Variants in DPP4 observed in about 807,000 individuals in gnomAD.
DPP4 encodes the protein dipeptidyl peptidase 4, also known as ADCP-2.
DPP4 carries 93 observed loss-of-function variants against 122.4 expected under a neutral mutation model. The observed-to-expected ratio is 0.76, with a 90% confidence interval of 0.64 to 0.90. DPP4 has a LOEUF of 0.90. Among genes scored for constraint, DPP4 ranks in the 40% least tolerant of loss-of-function variants. The probability of loss-of-function intolerance (pLI) is 0.00; values close to 1 mark genes in which losing one functional copy is unlikely to be tolerated. For synonymous variants in DPP4, 321 were observed against 302.9 expected (o/e 1.06, Z -0.62); for missense variants, 914 against 907.3 (o/e 1.01, Z -0.09).
chr2:161,994,125 T>TA (rs1429295179), intron 25 of DPP4, among the ~76,000 whole-genome samples: 1 of 152,174 alleles, frequency 6.6e-6, no homozygotes, highest in Non-Finnish European at 1.5e-5. Context: ...AAGTTAACTT[T>TA]AAAAAAAGCT....
intron 22 of DPP4, 23 bp downstream of exon 22, chr2:162,008,539 T>G (rs1559706833): frequency 6.2e-7 from 1 of 1,602,864 alleles, no homozygotes; most frequent in Non-Finnish European, 8.5e-7. Flanking sequence ...CGTATCTCTT[T>G]GTACCTGGCA....
chr2:162,054,625 G>A (rs1026289421), intron 2 of DPP4, among the ~76,000 whole-genome samples: 2 of 152,100 alleles, frequency 1.3e-5, no homozygotes. Flanking sequence ...AGGGCTGGAG[G>A]GAACTAGTCT....
At chr2:162,008,374 AC>A (rs1701336765) in intron 22 of DPP4, among the ~76,000 whole-genome samples, 187 bp downstream of exon 22, 1 of 152,208 alleles carries the variant, frequency 6.6e-6, no homozygotes, top group South Asian at 2.1e-4. Context: ...AATAAAATAT[AC>A]CACCCAGCCT....
chr2:161,993,395 A>G lies in DPP4; in HGVS notation c.2200-11T>C, dbSNP rs531517519. On this transcript the variant is annotated splice_polypyrimidine_tract_variant and intron_variant, in intron 25 of 25. Coordinates refer to ENST00000360534, the MANE Select transcript of DPP4 (RefSeq NM_001935.4). ...TTCATCAGTATACCACTAGAGAGAG[A>G]AAGAAAAGAAGTTAGAATTAGGAAG... 3.3e-5 allele frequency: 52 copies of G among 1,589,548 alleles called. 1 individual carries two copies. The South Asian group carries it at 5.8e-4, about 18-fold the overall frequency.
intron 19 of DPP4, among the ~76,000 whole-genome samples, chr2:162,013,931 G>GCT (rs1310307788): frequency 3.9e-5 from 6 of 152,200 alleles, no homozygotes; most frequent in African/African-American, 1.4e-4. Context: ...AATAGCGAAC[G>GCT]CTCTCCTCTA....
At chr2:162,004,098 C>G (rs1701221050) in intron 23 of DPP4, among the ~76,000 whole-genome samples, 1 of 152,134 alleles carries the variant, frequency 6.6e-6, no homozygotes, top group African/African-American at 2.4e-5. Context: ...ATTCAGAGAA[C>G]AGCAAGCATT....
intron 19 of DPP4, among the ~76,000 whole-genome samples, chr2:162,012,865 A>G (rs1682754446): frequency 6.6e-6 from 1 of 152,120 alleles, no homozygotes; most frequent in Non-Finnish European, 1.5e-5. Flanking sequence ...TGCACAGGAT[A>G]GGACAAGTTC....
intron 10 of DPP4, among the ~76,000 whole-genome samples, chr2:162,026,328 T>G (rs984340024): frequency 4.6e-5 from 7 of 152,220 alleles, no homozygotes; most frequent in Non-Finnish European, 1.0e-4. Flanking sequence ...GCGCAGGTAC[T>G]GAAACAGGAC....
chr2:162,062,608 A>C (rs1038046278), intron 2 of DPP4, among the ~76,000 whole-genome samples: 1 of 152,224 alleles, frequency 6.6e-6, no homozygotes, highest in Non-Finnish European at 1.5e-5. Flanking sequence ...CTTGTTGACT[A>C]TAAGCCAGGG....
At chr2:162,022,003 C>T (rs1488858630) in intron 12 of DPP4, among the ~76,000 whole-genome samples, 1 of 152,162 alleles carries the variant, frequency 6.6e-6, no homozygotes, top group Non-Finnish European at 1.5e-5. Flanking sequence ...AAAATCTTTA[C>T]ATTTTGGGGG....
At chr2:162,042,964 A>G (rs763894975) in intron 5 of DPP4, among the ~76,000 whole-genome samples, 1 of 152,188 alleles carries the variant, frequency 6.6e-6, no homozygotes, top group Admixed American at 6.5e-5. Context: ...AGAAATCTGG[A>G]CCTGAGTTAA....
rs561923580 is a variant in DPP4 at position 162,042,771 on chromosome 2, G to A, written c.366+2761C>T. The stretch of plus-strand genomic sequence containing the variant: ...GCCCTGTCCTAGGCACAGAGGTGTG[G>A]CAGTGAATAAATCACAGGGAAACTG... On this transcript the variant is annotated intron_variant, in intron 5 of 25. Transcript: ENST00000360534. Among the ~76,000 whole-genome samples, 5 of 152,288 alleles carry A rather than the reference G, an allele frequency of 3.3e-5. No homozygotes were observed. In the South Asian group the frequency reaches 1.0e-3, roughly 32 times the overall value.
intron 2 of DPP4, among the ~76,000 whole-genome samples, chr2:162,071,247 T>C (rs942449488): frequency 6.6e-6 from 1 of 152,218 alleles, no homozygotes; most frequent in African/African-American, 2.4e-5. Flanking sequence ...TGTGATCTCA[T>C]GTCTCTGTGT....
chr2:162,062,362 C>A lies in DPP4; in HGVS notation c.94+11037G>T, dbSNP rs1684805000. ...TTTTCTATTGCTATGTAACAAATCA[C>A]CACAAACTTAGTGACTTAACACAGC... On this transcript the variant is annotated intron_variant, in intron 2 of 25. Transcript: ENST00000360534. 3.3e-5 allele frequency among the ~76,000 whole-genome samples: 5 copies of A among 152,146 alleles called. 1 individual carries two copies. In the South Asian group the frequency reaches 1.0e-3, roughly 32 times the overall value.
chr2:162,062,584 G>A (rs986303784), intron 2 of DPP4, among the ~76,000 whole-genome samples: 13 of 152,234 alleles, frequency 8.5e-5, no homozygotes, highest in African/African-American at 1.2e-4. Flanking sequence ...TTGTGAGAGT[G>A]AAGTTCTCAT....
At chr2:162,001,141 T>A (rs974828269) in intron 23 of DPP4, among the ~76,000 whole-genome samples, 1 of 152,188 alleles carries the variant, frequency 6.6e-6, no homozygotes. Flanking sequence ...TCAATATCAA[T>A]ATGTTGCATA....
rs748220838 is a variant in DPP4, at chr2:162,011,792, C to T, written c.1832+1G>A. The T allele has an allele frequency of 6.2e-7, 1 of 1,613,102 alleles. No homozygotes were observed. The highest frequency in any genetic ancestry group is 1.7e-5 in the Admixed American group (1 of 59,942). ...TTTGACTTCATCTCCTAGTCACTCACCTGGCTGCTTCAATTTGATCTTCAA... is the reference window on the plus strand; with the variant it reads ...TTTGACTTCATCTCCTAGTCACTCATCTGGCTGCTTCAATTTGATCTTCAA... On this transcript the variant is annotated splice_donor_variant, in intron 20 of 25. Coordinates refer to ENST00000360534, the MANE Select transcript of DPP4 (RefSeq NM_001935.4). LOFTEE classifies it high-confidence loss of function.
chr2:162,057,284 A>G (rs1684611731), intron 2 of DPP4, among the ~76,000 whole-genome samples: 1 of 152,236 alleles, frequency 6.6e-6, no homozygotes, highest in Non-Finnish European at 1.5e-5. Context: ...CTAGACCACC[A>G]CTAGCTACTG....
At chr2:161,995,205 A>G in intron 24 of DPP4, 95 bp downstream of exon 24, 1 of 1,353,012 alleles carries the variant, frequency 7.4e-7, no homozygotes, top group Middle Eastern at 1.8e-4. Flanking sequence ...TATTGAAGTA[A>G]ATGTAACAGT....
Sources: allele counts gnomAD v4.1 joint callset (sites outside exome capture counted in the v4.1 genomes callset), GRCh38; gene constraint gnomAD v4.1.1; transcripts MANE v1.5; gene names NCBI Gene and HGNC (gene_info 2026-07-23, HGNC 2026-07-21).